The following PKD2L1 variants were observed in gnomAD, a reference collection of about 807,000 sequenced individuals.
PKD2L1 encodes the protein polycystin 2 like 1, transient receptor potential cation channel, also known as polycystin-2-like protein 1.
In PKD2L1, 77 loss-of-function variants were observed where a neutral mutation model predicts 93.0. The observed-to-expected ratio is 0.83, with a 90% CI of 0.69 to 1.00. The LOEUF is 1.00. Ranked by LOEUF, PKD2L1 falls within the 50% of genes least tolerant of loss-of-function variation. PKD2L1 has a pLI of 0.00. For synonymous variants in PKD2L1, 390 were observed against 388.0 expected (o/e 1.01, Z -0.06); for missense variants, 977 against 990.9 (o/e 0.99, Z 0.19).
intron 2 of PKD2L1, among the ~76,000 whole-genome samples, chr10:100,308,461 G>A (rs7913079): frequency 0.24 from 35,946 of 151,348 alleles, 6,101 homozygotes; most frequent in African/African-American, 0.49. Context: ...CAGCCTCCCA[G>A]GTAGCTAGGA....
intron 2 of PKD2L1, among the ~76,000 whole-genome samples, chr10:100,319,356 A>G (rs372182895): frequency 6.6e-6 from 1 of 152,350 alleles, no homozygotes; most frequent in African/African-American, 2.4e-5. Context: ...TGCGTGGCTA[A>G]TAACTGGTAG....
intron 2 of PKD2L1, among the ~76,000 whole-genome samples, chr10:100,310,580 A>C (rs1214338267): frequency 6.6e-6 from 1 of 152,218 alleles, no homozygotes; most frequent in East Asian, 1.9e-4. Context: ...ACACACATTT[A>C]TACATGTGTG....
At chr10:100,296,874 C>T in intron 6 of PKD2L1, 106 bp downstream of exon 6, 1 of 691,520 alleles carries the variant, frequency 1.4e-6, no homozygotes, top group Middle Eastern at 2.5e-4. Flanking sequence ...GACCAAAAGT[C>T]AGAAGGAGGG....
chr10:100,294,199 C>CCCA (rs1452924288), intron 9 of PKD2L1, among the ~76,000 whole-genome samples: 1 of 152,010 alleles, frequency 6.6e-6, no homozygotes, highest in Non-Finnish European at 1.5e-5. Flanking sequence ...GCATGAGATC[C>CCCA]CCAGAGGAAG....
intron 2 of PKD2L1, among the ~76,000 whole-genome samples, chr10:100,321,890 G>GCAAGCAAGGAAGGAAGGAA (rs1564894840): frequency 5.2e-4 from 1 of 1,928 alleles, no homozygotes; most frequent in African/African-American, 1.1e-3. Flanking sequence ...GAGGGAGGGA[G>GCAAGCAAGGAAGGAAGGAA]GGAGGGAAGG....
intron 11 of PKD2L1, 48 bp from the exon 12 acceptor site, chr10:100,291,475 C>T (rs765493278): frequency 2.5e-6 from 4 of 1,603,068 alleles, no homozygotes; most frequent in African/African-American, 2.7e-5. Context: ...TGGCTGTGAC[C>T]TCTCAGTTAT....
rs931000433 is a variant in PKD2L1, at chr10:100,288,316, C to G, written c.*80G>C. ...TTTTATCTCCTGGTTAAAGCCCACTCAGTTTCCAGGTTCAGTGGACCAGGA... is the reference window on the plus strand; with the variant it reads ...TTTTATCTCCTGGTTAAAGCCCACTGAGTTTCCAGGTTCAGTGGACCAGGA... On this transcript the variant is annotated 3_prime_UTR_variant, in exon 16 of 16. Coordinates refer to ENST00000318222, the MANE Select transcript of PKD2L1 (RefSeq NM_016112.3). The G allele has an allele frequency of 1.4e-4, 118 of 865,250 alleles. No homozygotes were observed. The highest frequency in any genetic ancestry group is 1.1e-4 in the Admixed American group (6 of 55,192). The allele number at this position is 865,250 out of a possible 1,614,324, so 53.6% of individuals were successfully genotyped here.
chr10:100,329,259 G>A lies in PKD2L1; in HGVS notation c.301C>T (p.Leu101=), dbSNP rs1220695303. The change falls in exon 2 of 16, where the codon CTG becomes TTG. Residue 101 remains leucine (L), a synonymous_variant. Transcript: ENST00000318222. ...ENRELYIKTT[L]RELLVYIVFL... ...ACAATATATACCAACAGCTCCCTCA[G>A]GGTGGTCTTGATATAAAGTTCCCGG... The A allele has an allele frequency of 6.2e-7, 1 of 1,613,968 alleles. No individual in the cohort carries two copies. Among genetic ancestry groups the A allele is most frequent in the Non-Finnish European group, 8.5e-7 (1 of 1,179,930 alleles).
chr10:100,290,492 G>T lies in PKD2L1; in HGVS notation c.2035C>A (p.Leu679Ile). Residue 679 changes from leucine (L) to isoleucine (I), a missense_variant, in exon 13 of 16, where the codon CTA becomes ATA. Transcript: ENST00000318222. ...RVALNTEIEK[L>I]GRSIVSSPQG... Reference sequence around the variant, plus strand: ...GGGCTGCTCACAATAGATCGGCCTAGTTTCTCAATCTCAGTGTTGAGGGCC... The same window carrying T: ...GGGCTGCTCACAATAGATCGGCCTATTTTCTCAATCTCAGTGTTGAGGGCC... 6.2e-7 allele frequency: 1 copy of T among 1,613,316 alleles called. No individual in the cohort carries two copies. The highest frequency in any genetic ancestry group is 8.5e-7 in the Non-Finnish European group (1 of 1,179,916).
intron 2 of PKD2L1, among the ~76,000 whole-genome samples, chr10:100,300,205 C>T (rs541931061): frequency 6.6e-6 from 1 of 152,292 alleles, no homozygotes; most frequent in East Asian, 1.9e-4. Context: ...GGTCTCATGG[C>T]CCCTGGTGTC....
rs2133570349 is a variant in PKD2L1, at chr10:100,321,756, A to AGGG, written c.349+7454_349+7455insCCC. On this transcript the variant is annotated intron_variant, in intron 2 of 15. Transcript: ENST00000318222. The stretch of plus-strand genomic sequence containing the variant: ...GAAAGAAAGAAAGAAAGAAAGAAAG[A>AGGG]AGGGAGGGAGGGAGGGAGGGAGGGA... 1.1e-3 allele frequency among the ~76,000 whole-genome samples: 2 copies of AGGG among 1,834 alleles called. 1 individual carries two copies. The highest frequency in any genetic ancestry group is 3.8e-3 in the African/African-American group (2 of 528). The allele number at this position is 1,834 out of a possible 152,430, so 1.2% of individuals were successfully genotyped here. A position where few individuals can be genotyped will look rare whatever the true frequency, so the allele number is the denominator to read the frequency against.
chr10:100,317,971 T>G lies in PKD2L1; in HGVS notation c.349+11240A>C, dbSNP rs1849137720. On this transcript the variant is annotated intron_variant, in intron 2 of 15. Transcript: ENST00000318222. ...GGTGCGTACCTGTAATCCCAGCTAC[T>G]CCGGAGGCTGAGGCAGGAGACTAAC... Among the ~76,000 whole-genome samples, 5 of 151,886 alleles carry G rather than the reference T, an allele frequency of 3.3e-5. No individual in the cohort carries two copies. In the South Asian group the frequency reaches 1.0e-3, roughly 32 times the overall value.
chr10:100,310,719 T>C (rs530642580), intron 2 of PKD2L1, among the ~76,000 whole-genome samples: 5 of 152,334 alleles, frequency 3.3e-5, no homozygotes, highest in Non-Finnish European at 7.3e-5. Flanking sequence ...TTTTTATTTT[T>C]TATTTTTTTG....
chr10:100,293,140 A>G, intron 10 of PKD2L1, 71 bp from the exon 11 acceptor site: 1 of 1,591,034 alleles, frequency 6.3e-7, no homozygotes, highest in African/African-American at 1.3e-5. Flanking sequence ...AGCCCCACCC[A>G]TAGTATGCCA....
chr10:100,293,420 C>G (rs1171327003), intron 9 of PKD2L1, 41 bp from the exon 10 acceptor site: 7 of 1,295,650 alleles, frequency 5.4e-6, no homozygotes, highest in Non-Finnish European at 7.9e-6. Context: ...ACCCCCAGAC[C>G]CACTGAAAGG....
At chr10:100,312,653 G>A (rs1193068376) in intron 2 of PKD2L1, among the ~76,000 whole-genome samples, 3 of 152,146 alleles carry the variant, frequency 2.0e-5, no homozygotes, top group Non-Finnish European at 2.9e-5. Flanking sequence ...GAGGCTGCTG[G>A]AACTTCCCTG....
chr10:100,297,648 C>T (rs1347415095), intron 4 of PKD2L1, 42 bp from the exon 5 acceptor site: 1 of 1,461,346 alleles, frequency 6.8e-7, no homozygotes, highest in African/African-American at 1.4e-5. Flanking sequence ...AAAAGTTCAT[C>T]TCCCAAGGCA....
At chr10:100,304,793 G>T (rs1424348260) in intron 2 of PKD2L1, among the ~76,000 whole-genome samples, 1 of 152,106 alleles carries the variant, frequency 6.6e-6, no homozygotes, top group Non-Finnish European at 1.5e-5. Flanking sequence ...CAGTGTCATG[G>T]TTTCTATCCT....
In PKD2L1 at chr10:100,290,498, C is replaced by T; in HGVS notation, c.2029G>A (p.Glu677Lys). Residue 677 changes from glutamate to lysine, a missense_variant, in exon 13 of 16, where the codon GAG becomes AAG. By Grantham distance (56) the Glu-to-Lys change is moderately conservative (BLOSUM62 1). Transcript: ENST00000318222. ...EERVALNTEI[E>K]KLGRSIVSSP... ...CTCACAATAGATCGGCCTAGTTTCT[C>T]AATCTCAGTGTTGAGGGCCACCTGC... 6.2e-7 allele frequency: 1 copy of T among 1,613,120 alleles called. No homozygotes were observed. Among genetic ancestry groups the T allele is most frequent in the South Asian group, 1.1e-5 (1 of 91,080 alleles).
Sources: allele counts gnomAD v4.1 joint callset (sites outside exome capture counted in the v4.1 genomes callset), GRCh38; gene constraint gnomAD v4.1.1; transcripts MANE v1.5; gene names NCBI Gene and HGNC (gene_info 2026-07-23, HGNC 2026-07-21).